DDB1: variants seen among roughly 807,000 people sequenced by gnomAD.
DDB1 encodes the protein DNA damage-binding protein 1.
Under a neutral mutation model 133.1 loss-of-function variants are expected in DDB1, and 18 were observed. The observed-to-expected ratio is 0.14, with a 90% confidence interval of 0.09 to 0.20. The LOEUF (loss-of-function observed/expected upper bound fraction) is 0.20, where lower values mean the gene tolerates loss of function less well. Among genes scored for constraint, DDB1 ranks in the 10% least tolerant of loss-of-function variants. DDB1 has a pLI of 1.00. For missense variants in DDB1, 828 were observed against 1,459.2 expected, an observed-to-expected ratio of 0.57 and a Z score of 7.05; for synonymous variants, 580 against 550.5, an observed-to-expected ratio of 1.05 and a Z score of -0.75.
intron 25 of DDB1, chr11:61,301,910 C>T: frequency 1.1e-5 from 2 of 189,030 alleles, no homozygotes; most frequent in Non-Finnish European, 1.1e-5. Flanking sequence ...ACACTGTTGC[C>T]CTCAACCAAA....
rs1372048064 is a variant in DDB1 at position 61,316,994 on chromosome 11, T to G, written c.1226-427A>C. Reference sequence around the variant, plus strand: ...ATATATATATATATATATATATATATATATAGACATGGCAGCCTGACACCA... The same window carrying G: ...ATATATATATATATATATATATATAGATATAGACATGGCAGCCTGACACCA... On this transcript the variant is annotated intron_variant, in intron 10 of 26. Transcript: ENST00000301764. 4.5e-5 allele frequency among the ~76,000 whole-genome samples: 4 copies of G among 88,214 alleles called. 1 individual carries two copies. Among genetic ancestry groups the G allele is most frequent in the Non-Finnish European group, 4.9e-5 (2 of 40,628 alleles). 57.9% of individuals were successfully genotyped at this position (88,214 alleles called of 152,430 possible).
intron 18 of DDB1, 121 bp from the exon 19 acceptor site, chr11:61,310,539 C>T: frequency 1.7e-6 from 2 of 1,212,042 alleles, no homozygotes; most frequent in South Asian, 1.8e-5. Context: ...ACTCTGATGG[C>T]TGGCAGCTCA....
rs199633557 is a variant in DDB1 at position 61,324,144 on chromosome 11, A to G, written c.763-7T>C. 24 of 1,614,024 alleles carry G rather than the reference A, an allele frequency of 1.5e-5. No individual in the cohort carries two copies. In the Admixed American group the frequency reaches 3.0e-4, roughly 20 times the overall value. ...GGCACACAATCGTGCTTTGCTGCCAATTGGAAGGAAACAGTCATTAGAGAT... is the reference window on the plus strand; with the variant it reads ...GGCACACAATCGTGCTTTGCTGCCAGTTGGAAGGAAACAGTCATTAGAGAT... On this transcript the variant is annotated splice_polypyrimidine_tract_variant and splice_region_variant and intron_variant, in intron 6 of 26. Transcript: ENST00000301764.
At chr11:61,318,677 G>A (rs1322389649) in intron 10 of DDB1, among the ~76,000 whole-genome samples, 1 of 152,148 alleles carries the variant, frequency 6.6e-6, no homozygotes, top group African/African-American at 2.4e-5. Context: ...TTACCTAATA[G>A]TGTTTTGTTT....
At chr11:61,302,012 T>C in intron 25 of DDB1, 1 of 389,092 alleles carries the variant, frequency 2.6e-6, no homozygotes, top group Non-Finnish European at 4.7e-6. Flanking sequence ...TTCAGGAATA[T>C]AAATGTACAT....
chr11:61,309,089 A>G lies in DDB1; in HGVS notation c.2567-12T>C. The G allele has an allele frequency of 2.5e-6, 4 of 1,613,318 alleles. No homozygotes were observed. Among genetic ancestry groups the G allele is most frequent in the Non-Finnish European group, 3.4e-6 (4 of 1,179,276 alleles). On this transcript the variant is annotated splice_polypyrimidine_tract_variant and intron_variant, in intron 20 of 26. Coordinates refer to ENST00000301764, the MANE Select transcript of DDB1 (RefSeq NM_001923.5). ...AGTCTGTAGTTTTCCTGGGGGTGGA[A>G]AAAATATGTTTGAGTCTCTATGAGC...
chr11:61,329,271 C>G, intron 4 of DDB1, 92 bp downstream of exon 4: 1 of 1,144,470 alleles, frequency 8.7e-7, no homozygotes, highest in Non-Finnish European at 1.3e-6. Flanking sequence ...ACACTTCTCT[C>G]TATCCTACCA....
chr11:61,321,524 C>A, intron 10 of DDB1, 71 bp downstream of exon 10: 5 of 1,446,984 alleles, frequency 3.5e-6, no homozygotes, highest in Admixed American at 1.7e-5. Flanking sequence ...CACCAAAACG[C>A]CTTCACAACA....
chr11:61,328,303 A>C (rs531055892), intron 4 of DDB1, among the ~76,000 whole-genome samples: 2 of 152,310 alleles, frequency 1.3e-5, no homozygotes, highest in South Asian at 4.1e-4. Context: ...ATATATCAGC[A>C]CCTCCAACAT....
chr11:61,331,732 G>A, intron 1 of DDB1, 41 bp from the exon 2 acceptor site: 1 of 1,610,768 alleles, frequency 6.2e-7, no homozygotes, highest in Non-Finnish European at 8.5e-7. Context: ...TCAGGGGAAG[G>A]GCCTCCCATC....
intron 21 of DDB1, among the ~76,000 whole-genome samples, chr11:61,305,578 C>T (rs1855870659): frequency 6.6e-6 from 1 of 152,158 alleles, no homozygotes; most frequent in Non-Finnish European, 1.5e-5. Context: ...TCCAGAGTGC[C>T]CCGTCTTCAG....
intron 16 of DDB1, among the ~76,000 whole-genome samples, chr11:61,312,986 T>C (rs976476540): frequency 1.3e-5 from 2 of 152,194 alleles, no homozygotes; most frequent in South Asian, 2.1e-4. Context: ...CTAATTTTTG[T>C]ATTTTTATTA....
At position 61,314,478 on chromosome 11, in the gene DDB1, T is replaced by C; in HGVS notation, c.1419A>G (p.Ser473=). The change falls in exon 13 of 27, where the codon TCA becomes TCG. Residue 473 remains serine, a synonymous_variant. Coordinates refer to ENST00000301764, the MANE Select transcript of DDB1 (RefSeq NM_001923.5). ...CTTGAGAGACCAACCTCACCGATGC[T>C]GAAGTGATCTAGATAAACAGCAGAT... The part of the protein sequence containing the change: ...VAHQQLIQIT[S]ASVRLVSQEP... The C allele has an allele frequency of 6.2e-7, 1 of 1,611,302 alleles. No homozygotes were observed. The highest frequency in any genetic ancestry group is 8.5e-7 in the Non-Finnish European group (1 of 1,178,970).
chr11:61,326,902 G>C lies in DDB1; in HGVS notation c.550-9C>G, dbSNP rs1321059121. On this transcript the variant is annotated splice_polypyrimidine_tract_variant and intron_variant, in intron 4 of 26. Coordinates refer to ENST00000301764, the MANE Select transcript of DDB1 (RefSeq NM_001923.5). ...TGCCGCCCCTGAGGGTCCTGGGGGGGAAAGGTAAAATGGTTAGCCCTTAGG... is the reference window on the plus strand; with the variant it reads ...TGCCGCCCCTGAGGGTCCTGGGGGGCAAAGGTAAAATGGTTAGCCCTTAGG... 1.9e-6 allele frequency: 3 copies of C among 1,607,486 alleles called. No homozygotes were observed. The Admixed American group carries it at 5.0e-5, about 27-fold the overall frequency.
rs752964001 is a variant in DDB1, at chr11:61,300,858, A to G, written c.3290T>C (p.Phe1097Ser). 1.2e-6 allele frequency: 2 copies of G among 1,614,144 alleles called. No homozygotes were observed. The highest frequency in any genetic ancestry group is 2.2e-5 in the South Asian group (2 of 91,072). The part of the protein sequence containing the change: ...GFIDGDLIES[F>S]LDISRPKMQE... ...CATCTTGGGGCGGCTAATATCCAGG[A>G]AACTCTCAATCAAGTCACCGTCGAT... The change falls in exon 26 of 27, where the codon TTC becomes TCC. Residue 1097 changes from phenylalanine to serine, a missense_variant. Phe to Ser is a radical substitution (Grantham distance 155). Transcript: ENST00000301764.
chr11:61,331,693 T>G lies in DDB1; in HGVS notation c.62-2A>C, dbSNP rs902421634. On this transcript the variant is annotated splice_acceptor_variant, in intron 1 of 26. Transcript: ENST00000301764. LOFTEE classifies it high-confidence loss of function. ...AGTCTTCGGCCGAAGTAAAGTGTCC[T>G]GAAAGAACAGACCCTCTAACTTTTG... 1.2e-6 allele frequency: 2 copies of G among 1,614,142 alleles called. No individual in the cohort carries two copies. The highest frequency in any genetic ancestry group is 1.7e-6 in the Non-Finnish European group (2 of 1,179,998).
In DDB1 at chr11:61,299,791, A is replaced by ACACATACACACACACACACG. The variant is rs1855761873; in HGVS notation, c.*325_*344dup. On this transcript the variant is annotated 3_prime_UTR_variant, in exon 27 of 27. Coordinates refer to ENST00000301764, the MANE Select transcript of DDB1 (RefSeq NM_001923.5). ...GAGTGTGAGATACACATACACACAC[A>ACACATACACACACACACACG]CACATACACACACACACACGCACAG... The ACACATACACACACACACACG allele has an allele frequency of 1.3e-5, 5 of 380,348 alleles. No individual in the cohort carries two copies. The highest frequency in any genetic ancestry group is 2.5e-5 in the Non-Finnish European group (5 of 199,550). 23.6% of individuals were successfully genotyped at this position (380,348 alleles called of 1,614,324 possible). A position where few individuals can be genotyped will look rare whatever the true frequency, so the allele number is the denominator to read the frequency against.
intron 25 of DDB1, 133 bp downstream of exon 25, chr11:61,302,124 C>T: frequency 1.3e-6 from 1 of 745,472 alleles, no homozygotes; most frequent in Non-Finnish European, 2.2e-6. Context: ...AAGTCAAAAA[C>T]AAAACAAAAC....
chr11:61,316,217 T>C (rs768131998), intron 12 of DDB1, 68 bp downstream of exon 12: 8 of 1,360,048 alleles, frequency 5.9e-6, no homozygotes, highest in Non-Finnish European at 7.2e-6. Context: ...TAAAATCCAG[T>C]GGTGCTCTGT....
Sources: allele counts gnomAD v4.1 joint callset (sites outside exome capture counted in the v4.1 genomes callset), GRCh38; gene constraint gnomAD v4.1.1; transcripts MANE v1.5; gene names NCBI Gene and HGNC (gene_info 2026-07-23, HGNC 2026-07-21).